ICE2: variants seen among roughly 807,000 people sequenced by gnomAD.
The protein encoded by ICE2 is interactor of little elongation complex ELL subunit 2.
In ICE2, 87 loss-of-function variants were observed where a neutral mutation model predicts 105.4. The observed-to-expected ratio is 0.83, with a 90% CI of 0.69 to 0.99. ICE2 has a LOEUF of 0.99. Among genes scored for constraint, ICE2 ranks in the 50% least tolerant of loss-of-function variants. ICE2 has a pLI of 0.00. For synonymous variants in ICE2, 399 were observed against 392.0 expected, an observed-to-expected ratio of 1.02 and a Z score of -0.21; for missense variants, 1,323 against 1,146.7, an observed-to-expected ratio of 1.15 and a Z score of -2.22.
At chr15:60,452,848 C>T in intron 9 of ICE2, 1 of 985,112 alleles carries the variant, frequency 1.0e-6, no homozygotes, top group Non-Finnish European at 1.2e-6. Context: ...GGTCACATAG[C>T]TACTAAGTAT....
intron 8 of ICE2, chr15:60,454,690 CTTTT>C (rs978453869): frequency 1.9e-5 from 4 of 207,128 alleles, no homozygotes; most frequent in Non-Finnish European, 3.8e-5. Flanking sequence ...CCTCTTTTTT[CTTTT>C]TTTTAAATTT....
At chr15:60,428,287 T>C in intron 15 of ICE2, 142 bp downstream of exon 15, 1 of 947,492 alleles carries the variant, frequency 1.1e-6, no homozygotes, top group Non-Finnish European at 1.6e-6. Flanking sequence ...CATACAACTT[T>C]ATCCTTCCTA....
chr15:60,464,602 T>C (rs1180783912), intron 5 of ICE2, among the ~76,000 whole-genome samples: 1 of 152,096 alleles, frequency 6.6e-6, no homozygotes, highest in Non-Finnish European at 1.5e-5. Flanking sequence ...AGGACTATGC[T>C]TGCAGTATTG....
chr15:60,450,497 T>C (rs2063940148), intron 9 of ICE2, among the ~76,000 whole-genome samples: 1 of 152,228 alleles, frequency 6.6e-6, no homozygotes, highest in African/African-American at 2.4e-5. Context: ...TTTTAACTTA[T>C]TCAGGACTAC....
intron 11 of ICE2, among the ~76,000 whole-genome samples, chr15:60,444,233 A>G (rs976682313): frequency 1.3e-5 from 2 of 152,200 alleles, no homozygotes; most frequent in Admixed American, 6.5e-5. Flanking sequence ...CCATATATTT[A>G]AAAAAAATTT....
chr15:60,475,372 A>C (rs2064730264), intron 3 of ICE2, among the ~76,000 whole-genome samples: 1 of 152,200 alleles, frequency 6.6e-6, no homozygotes, highest in East Asian at 1.9e-4. Flanking sequence ...TAAACTGTAC[A>C]TATTGTCTGA....
In ICE2 at chr15:60,476,167, C is replaced by A. The variant is rs749216338; in HGVS notation, c.42G>T (p.Trp14Cys). 5 of 1,569,288 alleles carry A rather than the reference C, an allele frequency of 3.2e-6. No homozygotes were observed. Among genetic ancestry groups the A allele is most frequent in the Non-Finnish European group, 4.4e-6 (5 of 1,149,150 alleles). ...TAAGGCCATTTTTGGGGGAAATATC[C>A]CTGTGAAACAAAGTAATTTACTTAC... ...KMVISEPGLN[W>C]DISPKNGLKT... Residue 14 changes from tryptophan to cysteine, a missense_variant and splice_region_variant, in exon 3 of 16, where the codon TGG (tryptophan) becomes TGT (cysteine). Transcript: ENST00000261520.
intron 5 of ICE2, among the ~76,000 whole-genome samples, chr15:60,460,759 T>G (rs546827147): frequency 2.0e-5 from 3 of 152,144 alleles, no homozygotes; most frequent in African/African-American, 7.2e-5. Flanking sequence ...GCAAAGTCAC[T>G]CTCAGTTGAA....
At chr15:60,463,060 T>C (rs1328729749) in intron 5 of ICE2, among the ~76,000 whole-genome samples, 1 of 152,194 alleles carries the variant, frequency 6.6e-6, no homozygotes, top group Non-Finnish European at 1.5e-5. Flanking sequence ...AGGCTTTGTG[T>C]TAGATGATTA....
intron 5 of ICE2, among the ~76,000 whole-genome samples, chr15:60,466,332 C>G (rs530990897): frequency 2.1e-4 from 32 of 152,244 alleles, no homozygotes; most frequent in African/African-American, 6.5e-4. Context: ...TCAGTTCAAA[C>G]TATTATGTGA....
At chr15:60,447,144 C>A (rs557283339) in intron 11 of ICE2, among the ~76,000 whole-genome samples, 1 of 151,834 alleles carries the variant, frequency 6.6e-6, no homozygotes, top group Non-Finnish European at 1.5e-5. Flanking sequence ...AAAGAAACAA[C>A]AGGGGAAAAA....
intron 15 of ICE2, among the ~76,000 whole-genome samples, chr15:60,427,695 G>T (rs1191882612): frequency 2.0e-5 from 3 of 152,200 alleles, no homozygotes; most frequent in Non-Finnish European, 4.4e-5. Flanking sequence ...GGGATTATAG[G>T]TGTGAGCCAC....
At chr15:60,451,442 TAAAC>T (rs1399760993) in intron 9 of ICE2, 6 of 978,148 alleles carry the variant, frequency 6.1e-6, no homozygotes, top group African/African-American at 1.7e-5. Flanking sequence ...AAGAAAAATG[TAAAC>T]AAACAATAAA....
chr15:60,470,223 A>T (rs978916580), intron 3 of ICE2, among the ~76,000 whole-genome samples: 3 of 152,226 alleles, frequency 2.0e-5, no homozygotes, highest in African/African-American at 7.2e-5. Context: ...AATGAAGAAG[A>T]AAGAAAAGTA....
chr15:60,456,843 C>A (rs1020206741), intron 5 of ICE2, 49 bp from the exon 6 acceptor site: 5 of 1,249,552 alleles, frequency 4.0e-6, no homozygotes, highest in Admixed American at 2.8e-5. Flanking sequence ...TCTAATAATG[C>A]AAAAAGAAAA....
intron 12 of ICE2, chr15:60,438,285 C>CA: frequency 6.6e-6 from 1 of 152,018 alleles, no homozygotes; most frequent in East Asian, 1.9e-4. Flanking sequence ...ATTTAGGTAT[C>CA]AAAACAAATT....
At chr15:60,431,408 G>A (rs964154103) in intron 14 of ICE2, among the ~76,000 whole-genome samples, 1 of 152,142 alleles carries the variant, frequency 6.6e-6, no homozygotes, top group African/African-American at 2.4e-5. Context: ...GGGAGGCAGA[G>A]GAAGATATTA....
Position 60,428,614 on chromosome 15 carries a change from C to A in ICE2, c.2635G>T (p.Gly879Ter). 1 of 1,614,046 alleles carries A rather than the reference C, an allele frequency of 6.2e-7. No homozygotes were observed. The highest frequency in any genetic ancestry group is 8.5e-7 in the Non-Finnish European group (1 of 1,179,986). The change falls in exon 15 of 16, where the codon GGA becomes TGA. Residue 879 changes from glycine to a stop codon, truncating the protein, a stop_gained. Transcript: ENST00000261520. LOFTEE classifies it high-confidence loss of function. Reference protein sequence around the residue: ...SSLLIYKASDGKVTRTAYNLY... With the variant: ...SSLLIYKASD ...TTGTATGCTGTCCTAGTAACTTTTC[C>A]ATCAGAGGCCTTATAAATCAGGAGT...
In ICE2 at chr15:60,422,516, A is replaced by C. The variant is rs1040591865; in HGVS notation, c.*1118T>G. ...TTCATCTGCAGGCCCGGAAAATTTA[A>C]ATCAATCAGTATAGATGAGGATAAA... On this transcript the variant is annotated 3_prime_UTR_variant, in exon 16 of 16. Coordinates refer to ENST00000261520, the MANE Select transcript of ICE2 (RefSeq NM_024611.6). 4 of 152,130 alleles carry C rather than the reference A, an allele frequency of 2.6e-5. No homozygotes were observed. The highest frequency in any genetic ancestry group is 5.9e-5 in the Non-Finnish European group (4 of 68,050). 9.4% of individuals were successfully genotyped at this position (152,130 alleles called of 1,614,324 possible).
Sources: gnomAD v4.1 joint callset for allele counts (sites outside exome capture counted in the v4.1 genomes callset) on GRCh38, gnomAD v4.1.1 for gene constraint, MANE v1.5 for transcripts, NCBI Gene and HGNC (gene_info 2026-07-23, HGNC 2026-07-21) for gene names.